Variants in SVEP1 observed in about 807,000 individuals in gnomAD.
The protein encoded by SVEP1 is sushi, von Willebrand factor type A, EGF and pentraxin domain containing 1, also known as sushi, von Willebrand factor type A, EGF and pentraxin domain-containing protein 1.
In SVEP1, 164 loss-of-function variants were observed where a neutral mutation model predicts 367.3. The ratio of observed to expected loss-of-function variants is 0.45; its 90% confidence interval spans 0.39 to 0.51. The LOEUF (loss-of-function observed/expected upper bound fraction) is 0.51, where lower values mean the gene tolerates loss of function less well. Among genes scored for constraint, SVEP1 ranks in the 20% least tolerant of loss-of-function variants. SVEP1 has a pLI of 0.00. For synonymous variants in SVEP1, 1,666 were observed against 1,611.6 expected (o/e 1.03, Z -0.81); for missense variants, 4,117 against 4,425.3 (o/e 0.93, Z 1.98).
At chr9:110,392,217 T>C (rs1203740627) in intron 40 of SVEP1, among the ~76,000 whole-genome samples, 1 of 151,190 alleles carries the variant, frequency 6.6e-6, no homozygotes, top group Non-Finnish European at 1.5e-5. Flanking sequence ...GCAATGTCTC[T>C]TATATCTCTC....
rs1490166430 is a variant in SVEP1, at chr9:110,579,561, G to A, written c.-18C>T. The A allele has an allele frequency of 6.4e-7, 1 of 1,561,662 alleles. No homozygotes were observed. Among genetic ancestry groups the A allele is most frequent in the Non-Finnish European group, 8.6e-7 (1 of 1,159,244 alleles). On this transcript the variant is annotated 5_prime_UTR_variant, in exon 1 of 48. Transcript: ENST00000374469. This position sits in a 1 kb window ranked among gnomAD's most constrained non-coding sequence, Gnocchi z 5.3. ...GGCCACATCGCGCTGGAGACAGAGCGGCTGCCCCGGAGCGCAGGCGGCGGC... is the reference window on the plus strand; with the variant it reads ...GGCCACATCGCGCTGGAGACAGAGCAGCTGCCCCGGAGCGCAGGCGGCGGC...
Position 110,499,340 on chromosome 9 carries a change from T to C in SVEP1, c.1484-102A>G. On this transcript the variant is annotated intron_variant, in intron 6 of 47. Transcript: ENST00000374469. Reference sequence around the variant, plus strand: ...AAAATACAATTATGCTGCCTTAGGATTTACGTAAATTGCTAAATGATAACT... The same window carrying C: ...AAAATACAATTATGCTGCCTTAGGACTTACGTAAATTGCTAAATGATAACT... The C allele has an allele frequency of 2.9e-6, 3 of 1,045,442 alleles. No individual in the cohort carries two copies. In the South Asian group the frequency reaches 5.2e-5, roughly 18 times the overall value. 64.8% of individuals were successfully genotyped at this position (1,045,442 alleles called of 1,614,324 possible).
rs936803346 is a variant in SVEP1 at position 110,411,397 on chromosome 9, C to G, written c.6314G>C (p.Gly2105Ala). Residue 2105 changes from glycine (G) to alanine (A), a missense_variant, in exon 37 of 48, where the codon GGC becomes GCC. Transcript: ENST00000374469. ...ESVSKAKFAAGSVVSFKCMEG... is the reference protein window; with the variant it reads ...ESVSKAKFAAASVVSFKCMEG... ...CATGCATTTAAAGCTCACAACTGAGCCAGCTGCAAATTTTGCTTTGCTCAC... is the reference window on the plus strand; with the variant it reads ...CATGCATTTAAAGCTCACAACTGAGGCAGCTGCAAATTTTGCTTTGCTCAC... The G allele has an allele frequency of 6.2e-7, 1 of 1,613,876 alleles. No individual in the cohort carries two copies. The highest frequency in any genetic ancestry group is 1.3e-5 in the African/African-American group (1 of 74,926).
At position 110,441,627 on chromosome 9, in the gene SVEP1, G is replaced by T. The variant is rs186604424; in HGVS notation, c.4639+1918C>A. Among the ~76,000 whole-genome samples the T allele has an allele frequency of 1.1e-4, 17 of 152,312 alleles. No homozygotes were observed. The East Asian group carries it at 3.3e-3, about 29-fold the overall frequency. On this transcript the variant is annotated intron_variant, in intron 27 of 47. Coordinates refer to ENST00000374469, the MANE Select transcript of SVEP1 (RefSeq NM_153366.4). ...CATTCCTCTCTTCAGTGATTCTGGG[G>T]TTTAAGGAAGAGTGGCTTTCTCTTT... is the stretch of plus-strand genomic sequence containing the variant.
At chr9:110,481,153 C>T in intron 12 of SVEP1, 89 bp downstream of exon 12, 1 of 1,016,798 alleles carries the variant, frequency 9.8e-7, no homozygotes, top group Non-Finnish European at 1.3e-6. Context: ...CCATTAATTC[C>T]TATCGTAAGG....
chr9:110,384,088 C>T (rs1588023181), intron 43 of SVEP1, among the ~76,000 whole-genome samples: 1 of 152,180 alleles, frequency 6.6e-6, no homozygotes, highest in Non-Finnish European at 1.5e-5. Flanking sequence ...ACTCAGTAGT[C>T]TTAGGCAGTT....
At chr9:110,397,703 G>C (rs1281196514) in intron 40 of SVEP1, among the ~76,000 whole-genome samples, 141 of 151,702 alleles carry the variant, frequency 9.3e-4, no homozygotes, top group African/African-American at 3.2e-3. Flanking sequence ...ACCAATAAGA[G>C]AAACAGAGAG....
intron 43 of SVEP1, among the ~76,000 whole-genome samples, chr9:110,379,951 T>C (rs1176614835): frequency 6.6e-6 from 1 of 152,224 alleles, no homozygotes; most frequent in Non-Finnish European, 1.5e-5. Context: ...TATTAATGCC[T>C]AGCATTTATT....
At chr9:110,392,156 T>C (rs1488810317) in intron 40 of SVEP1, among the ~76,000 whole-genome samples, 1 of 146,826 alleles carries the variant, frequency 6.8e-6, no homozygotes, top group Non-Finnish European at 1.5e-5. Context: ...TATATATATC[T>C]CTTCTCTCTC....
At chr9:110,485,529 T>C (rs946375405) in intron 9 of SVEP1, among the ~76,000 whole-genome samples, 7 of 152,250 alleles carry the variant, frequency 4.6e-5, no homozygotes, top group Non-Finnish European at 7.4e-5. Context: ...ACCAACATGG[T>C]ACACATTTAC....
chr9:110,504,854 C>T (rs1829598988), intron 5 of SVEP1, among the ~76,000 whole-genome samples: 1 of 152,138 alleles, frequency 6.6e-6, no homozygotes, highest in Admixed American at 6.5e-5. Context: ...AAGATCTTCC[C>T]CCTTTCTTGG....
chr9:110,491,705 T>C (rs1829369430), intron 8 of SVEP1, among the ~76,000 whole-genome samples: 1 of 151,612 alleles, frequency 6.6e-6, no homozygotes, highest in African/African-American at 2.4e-5. Flanking sequence ...AAAAGTCTCA[T>C]TCAGGACACA....
chr9:110,408,703 G>A lies in SVEP1; in HGVS notation c.6897C>T (p.Asp2299=). The A allele has an allele frequency of 6.2e-7, 1 of 1,613,942 alleles. No individual in the cohort carries two copies. The highest frequency in any genetic ancestry group is 8.5e-7 in the Non-Finnish European group (1 of 1,179,886). The change falls in exon 38 of 48, where the codon GAC becomes GAT. Residue 2299 remains aspartate, a synonymous_variant. Coordinates refer to ENST00000374469, the MANE Select transcript of SVEP1 (RefSeq NM_153366.4). ...FCNEGYELVG[D]SSWTCQKSGK... ...CAGATTTCTGACATGTCCAAGAACT[G>A]TCACCAACAAGCTCATAACCCTCAT...
intron 40 of SVEP1, among the ~76,000 whole-genome samples, chr9:110,397,206 T>C (rs7022534): frequency 0.25 from 37,578 of 150,178 alleles, 4,151 homozygotes; most frequent in Middle Eastern, 0.37. Context: ...AATCAATAAA[T>C]GTAATCCAGC....
intron 3 of SVEP1, among the ~76,000 whole-genome samples, chr9:110,545,197 T>C (rs1830203984): frequency 6.6e-6 from 1 of 152,234 alleles, no homozygotes; most frequent in South Asian, 2.1e-4. Context: ...TTCCATATCT[T>C]GGCTATTATG....
chr9:110,428,245 C>T (rs1222132431), intron 35 of SVEP1, among the ~76,000 whole-genome samples: 1 of 152,154 alleles, frequency 6.6e-6, no homozygotes, highest in Non-Finnish European at 1.5e-5. Flanking sequence ...CCTCACATCC[C>T]TATGCCATGG....
intron 45 of SVEP1, 82 bp from the exon 46 acceptor site, chr9:110,375,545 C>T (rs1827339715): frequency 1.6e-6 from 2 of 1,274,892 alleles, no homozygotes; most frequent in Non-Finnish European, 2.1e-6. Context: ...TAGATAGGTT[C>T]AAGGGTTCAG....
intron 29 of SVEP1, among the ~76,000 whole-genome samples, 160 bp from the exon 30 acceptor site, chr9:110,434,666 T>TTAAAAAAAAAAAAAAAA (rs1156938869): frequency 2.5e-5 from 1 of 40,620 alleles, no homozygotes; most frequent in African/African-American, 1.0e-4. Flanking sequence ...GCAAAATCAC[T>TTAAAAAAAAAAAAAAAA]AAAAAAAAAA....
intron 3 of SVEP1, among the ~76,000 whole-genome samples, chr9:110,545,050 C>G (rs1830200703): frequency 6.6e-6 from 1 of 152,138 alleles, no homozygotes; most frequent in Non-Finnish European, 1.5e-5. Context: ...ACTTGTTTCA[C>G]TTAACAACTC....
Sources: allele counts gnomAD v4.1 joint callset (sites outside exome capture counted in the v4.1 genomes callset), GRCh38; gene constraint gnomAD v4.1.1; non-coding constraint Gnocchi (gnomAD v3.1); transcripts MANE v1.5; gene names NCBI Gene and HGNC (gene_info 2026-07-23, HGNC 2026-07-21).